The following CEP112 variants were observed in gnomAD, a reference collection of about 807,000 sequenced individuals.
CEP112 encodes the protein centrosomal protein 112.
Under a neutral mutation model 153.0 loss-of-function variants are expected in CEP112, and 127 were observed. The ratio of observed to expected loss-of-function variants is 0.83; its 90% CI spans 0.72 to 0.96. The LOEUF (loss-of-function observed/expected upper bound fraction) is 0.96, where lower values mean the gene tolerates loss of function less well. CEP112 is among the 40% of genes least tolerant of loss of function. The pLI, the probability that CEP112 is intolerant of heterozygous loss-of-function variation, is 0.00. For synonymous variants in CEP112, 358 were observed against 374.4 expected (o/e 0.96, Z 0.51); for missense variants, 1,089 against 1,101.2 (o/e 0.99, Z 0.16).
intron 1 of CEP112, among the ~76,000 whole-genome samples, chr17:66,184,191 A>C (rs147593979): frequency 0.034 from 5,189 of 152,252 alleles, 131 homozygotes; most frequent in Middle Eastern, 0.061. Flanking sequence ...TGTGAGAGGT[A>C]AAGGCTGCAG....
At chr17:65,953,781 C>T (rs1349807369) in intron 18 of CEP112, among the ~76,000 whole-genome samples, 1 of 152,166 alleles carries the variant, frequency 6.6e-6, no homozygotes, top group Non-Finnish European at 1.5e-5. Flanking sequence ...ACACTCCCAT[C>T]CCCCGCAGCA....
chr17:66,069,833 G>T (rs1278981874), intron 9 of CEP112, 82 bp downstream of exon 9: 5 of 726,746 alleles, frequency 6.9e-6, no homozygotes, highest in East Asian at 2.8e-5. Context: ...TGGAAGAATG[G>T]ATGGATAACT....
intron 18 of CEP112, among the ~76,000 whole-genome samples, chr17:65,935,744 T>C (rs1192052795): frequency 3.3e-5 from 5 of 151,442 alleles, no homozygotes; most frequent in Non-Finnish European, 5.9e-5. Flanking sequence ...CCAAAACTTA[T>C]GGGATATAGC....
intron 24 of CEP112, among the ~76,000 whole-genome samples, chr17:65,646,572 TG>T (rs2045442447): frequency 6.6e-6 from 1 of 152,232 alleles, no homozygotes; most frequent in Non-Finnish European, 1.5e-5. Flanking sequence ...TGTTTTTATA[TG>T]GACTTAATCC....
chr17:65,695,732 G>C (rs1188355389), intron 23 of CEP112, among the ~76,000 whole-genome samples: 1 of 152,278 alleles, frequency 6.6e-6, no homozygotes, highest in Non-Finnish European at 1.5e-5. Flanking sequence ...AACAGAGAGA[G>C]GCTTTCAGAT....
chr17:66,102,449 A>G (rs2068602118), intron 6 of CEP112, among the ~76,000 whole-genome samples: 1 of 152,180 alleles, frequency 6.6e-6, no homozygotes, highest in African/African-American at 2.4e-5. Context: ...TATATTGTGG[A>G]GTTTATAACA....
rs185090560 is a variant in CEP112 at position 65,984,673 on chromosome 17, T to C, written c.1736+21017A>G. Among the ~76,000 whole-genome samples, 396 of 152,254 alleles carry C rather than the reference T, an allele frequency of 2.6e-3. 1 individual carries two copies. Among genetic ancestry groups the C allele is most frequent in the African/African-American group, 9.1e-3 (380 of 41,548 alleles). ...CAAATTTTAAAGTAGAATTTTAAAATTGGAACATACATAAAAATATTAAAA... is the reference window on the plus strand; with the variant it reads ...CAAATTTTAAAGTAGAATTTTAAAACTGGAACATACATAAAAATATTAAAA... On this transcript the variant is annotated intron_variant, in intron 17 of 26. Transcript: ENST00000535342.
chr17:65,729,498 A>G (rs232093), intron 23 of CEP112, among the ~76,000 whole-genome samples: 114,643 of 152,052 alleles, frequency 0.75, 44,551 homozygotes, highest in East Asian at 0.93. Flanking sequence ...TTTGGTTGCT[A>G]AGGCTTACAT....
At chr17:66,164,888 G>GTA (rs1469484577) in intron 4 of CEP112, among the ~76,000 whole-genome samples, 4 of 38,982 alleles carry the variant, frequency 1.0e-4, no homozygotes, top group Admixed American at 7.8e-4. Flanking sequence ...ACACATATAT[G>GTA]TGTGTGTGTG....
At chr17:65,693,120 A>T (rs2048194006) in intron 23 of CEP112, among the ~76,000 whole-genome samples, 1 of 152,192 alleles carries the variant, frequency 6.6e-6, no homozygotes, top group Admixed American at 6.5e-5. Flanking sequence ...TTCACAGAAG[A>T]GAAAGATGGC....
At chr17:66,124,776 C>A (rs1216924619) in intron 6 of CEP112, among the ~76,000 whole-genome samples, 2 of 152,128 alleles carry the variant, frequency 1.3e-5, no homozygotes, top group Non-Finnish European at 2.9e-5. Flanking sequence ...TCTTCATATT[C>A]CAACTTCCCT....
At chr17:66,031,661 T>C (rs1363765669) in intron 12 of CEP112, among the ~76,000 whole-genome samples, 1 of 151,902 alleles carries the variant, frequency 6.6e-6, no homozygotes, top group East Asian at 1.9e-4. Flanking sequence ...GGGGTCTCAC[T>C]ATGTTGGCCA....
At chr17:65,939,770 G>GT (rs1455251479) in intron 18 of CEP112, among the ~76,000 whole-genome samples, 1 of 152,062 alleles carries the variant, frequency 6.6e-6, no homozygotes, top group Non-Finnish European at 1.5e-5. Flanking sequence ...AAATATAAAA[G>GT]TTGAAGCTCT....
chr17:65,701,882 ACTT>A (rs1325271277), intron 23 of CEP112, among the ~76,000 whole-genome samples: 3 of 145,916 alleles, frequency 2.1e-5, no homozygotes, highest in African/African-American at 7.6e-5. Flanking sequence ...CATTCCTTCA[ACTT>A]CTTTTTTTTT....
chr17:65,941,110 C>T (rs975209), intron 18 of CEP112, among the ~76,000 whole-genome samples: 72,781 of 151,762 alleles, frequency 0.48, 18,442 homozygotes, highest in East Asian at 0.89. Context: ...GCAAAAGTGA[C>T]ACAGGAACTA....
At chr17:65,946,381 T>A (rs1057078203) in intron 18 of CEP112, among the ~76,000 whole-genome samples, 6 of 152,132 alleles carry the variant, frequency 3.9e-5, no homozygotes, top group Non-Finnish European at 7.4e-5. Context: ...AGATTCTTTT[T>A]CCCCCCATAT....
At chr17:65,667,690 C>A (rs1231160959) in intron 24 of CEP112, among the ~76,000 whole-genome samples, 1 of 152,142 alleles carries the variant, frequency 6.6e-6, no homozygotes, top group East Asian at 1.9e-4. Context: ...TTAAATTTCT[C>A]ACATTTAGAC....
chr17:65,689,258 A>G (rs752461075), intron 23 of CEP112, 40 bp from the exon 24 acceptor site: 1 of 1,432,628 alleles, frequency 7.0e-7, no homozygotes, highest in East Asian at 2.3e-5. Context: ...AATAATTAGC[A>G]CACTTGGAAA....
intron 24 of CEP112, among the ~76,000 whole-genome samples, chr17:65,673,869 G>A (rs1352303216): frequency 6.6e-6 from 1 of 152,132 alleles, no homozygotes; most frequent in Non-Finnish European, 1.5e-5. Flanking sequence ...TACAGACTAT[G>A]TAAAAAATAA....
Sources: gnomAD v4.1 joint callset for allele counts (sites outside exome capture counted in the v4.1 genomes callset) on GRCh38, gnomAD v4.1.1 for gene constraint, MANE v1.5 for transcripts, NCBI Gene and HGNC (gene_info 2026-07-23, HGNC 2026-07-21) for gene names.